The following AUTS2 variants were observed in gnomAD, a reference collection of about 807,000 sequenced individuals.
AUTS2 encodes the protein autism susceptibility gene 2 protein.
In AUTS2, 17 loss-of-function variants were observed where a neutral mutation model predicts 112.4. The ratio of observed to expected loss-of-function variants is 0.15; its 90% confidence interval spans 0.10 to 0.23. The LOEUF (loss-of-function observed/expected upper bound fraction) is 0.23, where lower values mean the gene tolerates loss of function less well. AUTS2 is among the 10% of genes least tolerant of loss of function. AUTS2 has a pLI of 1.00. For missense variants in AUTS2, 1,510 were observed against 1,701.6 expected, an observed-to-expected ratio of 0.89 and a Z score of 1.98; for synonymous variants, 751 against 702.7, an observed-to-expected ratio of 1.07 and a Z score of -1.09.
chr7:70,383,128 T>A (rs1252638241), intron 4 of AUTS2, among the ~76,000 whole-genome samples: 12 of 152,232 alleles, frequency 7.9e-5, no homozygotes, highest in Non-Finnish European at 1.8e-4. Context: ...CATTTGGCTT[T>A]ACCATAATTT....
At chr7:69,645,016 C>A (rs1794960990) in intron 1 of AUTS2, among the ~76,000 whole-genome samples, 1 of 151,982 alleles carries the variant, frequency 6.6e-6, no homozygotes, top group African/African-American at 2.4e-5. Flanking sequence ...TCAAGTGATC[C>A]TCCTGCCTCA....
chr7:70,738,717 G>A (rs1323362099), intron 6 of AUTS2, among the ~76,000 whole-genome samples: 2 of 152,158 alleles, frequency 1.3e-5, no homozygotes, highest in Non-Finnish European at 2.9e-5. Context: ...AGGGGACCAC[G>A]TGAGTGTTAC....
At chr7:70,113,746 A>T (rs1805210101) in intron 2 of AUTS2, among the ~76,000 whole-genome samples, 1 of 152,198 alleles carries the variant, frequency 6.6e-6, no homozygotes, top group Non-Finnish European at 1.5e-5. Context: ...ATTTTGTTTG[A>T]TGGATTAATG....
At chr7:70,731,484 C>CA (rs1787389360) in intron 6 of AUTS2, among the ~76,000 whole-genome samples, 1 of 121,768 alleles carries the variant, frequency 8.2e-6, no homozygotes, top group South Asian at 2.8e-4. Context: ...GGCTGGAGTG[C>CA]AGTGGTGCAA....
chr7:70,308,781 A>G (rs368403179), intron 4 of AUTS2, among the ~76,000 whole-genome samples: 15 of 152,292 alleles, frequency 9.8e-5, no homozygotes, highest in African/African-American at 3.6e-4. Context: ...ATCTATACAC[A>G]TATTAATTTT....
At chr7:69,708,983 T>A (rs1266977806) in intron 1 of AUTS2, among the ~76,000 whole-genome samples, 3 of 152,196 alleles carry the variant, frequency 2.0e-5, no homozygotes, top group African/African-American at 7.2e-5. Context: ...AGCTCAGACA[T>A]CCCTGATGAC....
At chr7:70,114,755 G>A (rs1360361755) in intron 2 of AUTS2, among the ~76,000 whole-genome samples, 1 of 151,916 alleles carries the variant, frequency 6.6e-6, no homozygotes, top group Non-Finnish European at 1.5e-5. Context: ...GAGCAGAGAT[G>A]GCACCATTGC....
intron 2 of AUTS2, among the ~76,000 whole-genome samples, chr7:69,976,680 A>G (rs1203722614): frequency 6.6e-6 from 1 of 152,160 alleles, no homozygotes; most frequent in Non-Finnish European, 1.5e-5. Context: ...ATCTGAGGGG[A>G]TAATGCATTT....
chr7:70,669,251 G>A (rs1056885804), intron 5 of AUTS2, among the ~76,000 whole-genome samples: 4 of 152,242 alleles, frequency 2.6e-5, no homozygotes, highest in Non-Finnish European at 2.9e-5. Flanking sequence ...GGGCGGCAAC[G>A]TGTGGTTTGC....
At chr7:70,084,547 T>C (rs1399019951) in intron 2 of AUTS2, among the ~76,000 whole-genome samples, 2 of 152,240 alleles carry the variant, frequency 1.3e-5, no homozygotes, top group African/African-American at 4.8e-5. Context: ...ATACTTGTTA[T>C]GGGCAGTCTT....
intron 1 of AUTS2, among the ~76,000 whole-genome samples, chr7:69,828,423 C>A (rs1791351569): frequency 6.6e-6 from 1 of 152,086 alleles, no homozygotes; most frequent in African/African-American, 2.4e-5. Context: ...CAGGGGACAG[C>A]AAAGCTGTAC....
intron 12 of AUTS2, among the ~76,000 whole-genome samples, chr7:70,774,586 T>C (rs1256073618): frequency 6.6e-6 from 1 of 152,196 alleles, no homozygotes; most frequent in African/African-American, 2.4e-5. Flanking sequence ...AGGGATCCTT[T>C]TGTACTCTAG....
chr7:70,288,513 G>A (rs889580249), intron 4 of AUTS2, among the ~76,000 whole-genome samples: 1 of 151,782 alleles, frequency 6.6e-6, no homozygotes, highest in African/African-American at 2.4e-5. Context: ...CATTTTTTTC[G>A]TCTTCCTGGG....
intron 4 of AUTS2, among the ~76,000 whole-genome samples, chr7:70,274,484 G>A (rs1486138937): frequency 6.6e-6 from 1 of 152,008 alleles, no homozygotes; most frequent in Non-Finnish European, 1.5e-5. Context: ...TTTAGAGACA[G>A]GGTTTTGCCA....
chr7:69,772,698 T>G (rs548712588), intron 1 of AUTS2, among the ~76,000 whole-genome samples: 1 of 152,328 alleles, frequency 6.6e-6, no homozygotes, highest in South Asian at 2.1e-4. Flanking sequence ...CCTCCCAAAG[T>G]GCTGAGATTA....
At chr7:69,826,323 A>G (rs535377315) in intron 1 of AUTS2, among the ~76,000 whole-genome samples, 3 of 152,334 alleles carry the variant, frequency 2.0e-5, no homozygotes, top group Admixed American at 1.3e-4. Context: ...GGATAAAAAA[A>G]TTTAAGATGC....
chr7:70,760,929 G>A (rs538986486), intron 6 of AUTS2, among the ~76,000 whole-genome samples: 1 of 152,290 alleles, frequency 6.6e-6, no homozygotes, highest in South Asian at 2.1e-4. Context: ...TTCCCATCTC[G>A]CTGGTGTTAT....
chr7:70,100,202 GCATTTAGAGTGTGTCATCTT>G (rs1056310256), intron 2 of AUTS2, among the ~76,000 whole-genome samples: 1 of 152,056 alleles, frequency 6.6e-6, no homozygotes, highest in African/African-American at 2.4e-5. Flanking sequence ...AATGTCATTT[GCATTTAGAGTGTGTCATCTT>G]CATTTAGAAT....
At position 69,622,837 on chromosome 7, in the gene AUTS2, G is replaced by A. The variant is rs118034831; in HGVS notation, c.309+22875G>A. 2.3e-3 allele frequency among the ~76,000 whole-genome samples: 344 copies of A among 152,268 alleles called. 2 individuals carry two copies. Among genetic ancestry groups the A allele is most frequent in the Non-Finnish European group, 3.5e-3 (237 of 68,014 alleles). ...AATACTCAGTTATTAAAGCTTCTGC[G>A]AACCTTTTCCAAATAATTACACTTT... On this transcript the variant is annotated intron_variant, in intron 1 of 18. Transcript: ENST00000342771.
Sources: gnomAD v4.1 joint callset for allele counts (sites outside exome capture counted in the v4.1 genomes callset) on GRCh38, gnomAD v4.1.1 for gene constraint, MANE v1.5 for transcripts, NCBI Gene and HGNC (gene_info 2026-07-23, HGNC 2026-07-21) for gene names.